Variants in NCOR1 observed in about 807,000 individuals in gnomAD.
NCOR1 encodes the protein nuclear receptor corepressor 1, also known as protein phosphatase 1, regulatory subunit 109.
In NCOR1, 63 loss-of-function variants were observed where a neutral mutation model predicts 288.1. The observed-to-expected ratio is 0.22, with a 90% confidence interval of 0.18 to 0.27. The LOEUF (loss-of-function observed/expected upper bound fraction) is 0.27, where lower values mean the gene tolerates loss of function less well. Ranked by LOEUF, NCOR1 falls within the 10% of genes least tolerant of loss-of-function variation. NCOR1 has a pLI of 1.00. For missense variants in NCOR1, 2,397 were observed against 3,019.2 expected (o/e 0.79, Z 4.83); for synonymous variants, 1,007 against 1,065.9 (o/e 0.94, Z 1.08).
Position 16,151,932 on chromosome 17 carries a change from T to A in NCOR1, c.842+14A>T, listed in dbSNP as rs1028321622. 2.5e-6 allele frequency: 4 copies of A among 1,581,070 alleles called. No homozygotes were observed. Among genetic ancestry groups the A allele is most frequent in the Non-Finnish European group, 3.5e-6 (4 of 1,157,922 alleles). ...GTCTTTAATTGAAGAACTCCAAAGA[T>A]GATCAATACTTACGTCTTGATGTTC... On this transcript the variant is annotated intron_variant, in intron 8 of 45. Transcript: ENST00000268712.
chr17:16,071,441 T>G lies in NCOR1; in HGVS notation c.4120A>C (p.Thr1374Pro), dbSNP rs777840206. ...ATGGAACCCTCAATTATCGGCCGTG[T>G]GCTCTGGACCACTTCTGGAGTTTTC... ...SRKTPEVVQS[T>P]RPIIEGSISQ... The change falls in exon 30 of 46, where the codon ACA becomes CCA. Residue 1374 changes from threonine to proline, a missense_variant. Physicochemically the swap from Thr to Pro is conservative, Grantham distance 38 (BLOSUM62 -1). Transcript: ENST00000268712. 4 of 1,614,036 alleles carry G rather than the reference T, an allele frequency of 2.5e-6. No individual in the cohort carries two copies. In the South Asian group the frequency reaches 3.3e-5, roughly 13 times the overall value.
At chr17:16,037,370 T>C (rs1028526902) in intron 44 of NCOR1, among the ~76,000 whole-genome samples, 3 of 152,060 alleles carry the variant, frequency 2.0e-5, no homozygotes, top group Non-Finnish European at 2.9e-5. Context: ...AAAATAATGC[T>C]GATAGACTTG....
intron 20 of NCOR1, chr17:16,098,806 GAAAGA>G (rs1275824686): frequency 5.7e-6 from 1 of 174,714 alleles, no homozygotes; most frequent in Non-Finnish European, 1.2e-5. Flanking sequence ...TTTTATATTA[GAAAGA>G]AAAGAAAAAA....
At chr17:16,213,855 TAGTTCA>T (rs1445473699) in intron 1 of NCOR1, among the ~76,000 whole-genome samples, 1 of 151,864 alleles carries the variant, frequency 6.6e-6, no homozygotes, top group Non-Finnish European at 1.5e-5. Flanking sequence ...TCCGGGGGAG[TAGTTCA>T]ACATATGGCA....
chr17:16,197,893 CCTT>C (rs1465939384), intron 1 of NCOR1, among the ~76,000 whole-genome samples: 1 of 151,990 alleles, frequency 6.6e-6, no homozygotes, highest in African/African-American at 2.4e-5. Flanking sequence ...ATCTCCTCGC[CCTT>C]CTTCTCCAGC....
At position 16,032,268 on chromosome 17, in the gene NCOR1, G is replaced by A. The variant is rs2151752028; in HGVS notation, c.*28C>T. On this transcript the variant is annotated 3_prime_UTR_variant, in exon 46 of 46. Transcript: ENST00000268712. ...CACAAAAACTAGAGATCCCTCTCCT[G>A]CACCCTGTTCCCCTCACTTTGTGCA... The A allele has an allele frequency of 1.3e-6, 2 of 1,574,678 alleles. No individual in the cohort carries two copies. Among genetic ancestry groups the A allele is most frequent in the African/African-American group, 1.4e-5 (1 of 72,930 alleles).
At chr17:16,096,204 A>G (rs1009064488) in intron 21 of NCOR1, among the ~76,000 whole-genome samples, 1 of 152,160 alleles carries the variant, frequency 6.6e-6, no homozygotes, top group Non-Finnish European at 1.5e-5. Flanking sequence ...GGAAAACCAG[A>G]GACCTTTGTT....
intron 44 of NCOR1, among the ~76,000 whole-genome samples, chr17:16,039,016 G>A (rs1340836380): frequency 3.9e-5 from 6 of 152,108 alleles, no homozygotes; most frequent in East Asian, 1.9e-4. Flanking sequence ...TGATCCGCCC[G>A]CCTCCGCCCC....
chr17:16,141,002 A>C (rs1000188297), intron 11 of NCOR1, among the ~76,000 whole-genome samples: 5 of 151,920 alleles, frequency 3.3e-5, no homozygotes, highest in African/African-American at 1.2e-4. Flanking sequence ...TATCTCAAAA[A>C]AAAAAAAAAG....
At chr17:16,143,197 C>T (rs2077392945) in intron 11 of NCOR1, among the ~76,000 whole-genome samples, 1 of 152,194 alleles carries the variant, frequency 6.6e-6, no homozygotes, top group African/African-American at 2.4e-5. Flanking sequence ...TAGGAAACGG[C>T]ACCACCAGCT....
intron 22 of NCOR1, among the ~76,000 whole-genome samples, chr17:16,088,386 A>G (rs919349453): frequency 6.6e-5 from 10 of 152,188 alleles, no homozygotes; most frequent in Non-Finnish European, 1.5e-4. Flanking sequence ...ATATGAGTTT[A>G]TATAAATAAA....
chr17:16,068,839 A>T (rs779079400), intron 31 of NCOR1, among the ~76,000 whole-genome samples: 15 of 150,810 alleles, frequency 9.9e-5, no homozygotes, highest in Non-Finnish European at 1.9e-4. Flanking sequence ...TCAGCCTCCC[A>T]AGTAGCTGGG....
At chr17:16,124,755 C>G (rs1229973526) in intron 15 of NCOR1, among the ~76,000 whole-genome samples, 3 of 152,048 alleles carry the variant, frequency 2.0e-5, no homozygotes, top group African/African-American at 7.3e-5. Context: ...ACAAACAAAC[C>G]CAAAACTCCA....
chr17:16,178,082 A>T (rs2084602547), intron 3 of NCOR1, among the ~76,000 whole-genome samples: 2 of 152,056 alleles, frequency 1.3e-5, no homozygotes, highest in Non-Finnish European at 1.5e-5. Context: ...GGAGGCAGGC[A>T]TCTGTAATCC....
At chr17:16,047,831 C>T (rs1226637598) in intron 41 of NCOR1, among the ~76,000 whole-genome samples, 5 of 152,112 alleles carry the variant, frequency 3.3e-5, no homozygotes, top group African/African-American at 1.2e-4. Context: ...CACAAGAACA[C>T]GTACTCTATG....
At chr17:16,035,982 A>G (rs1210057169) in intron 44 of NCOR1, among the ~76,000 whole-genome samples, 1 of 152,232 alleles carries the variant, frequency 6.6e-6, no homozygotes, top group African/African-American at 2.4e-5. Flanking sequence ...CATGAATTAC[A>G]AATGTCGTTA....
intron 3 of NCOR1, among the ~76,000 whole-genome samples, chr17:16,184,174 A>G (rs1237144609): frequency 6.6e-6 from 1 of 152,220 alleles, no homozygotes; most frequent in Non-Finnish European, 1.5e-5. Flanking sequence ...GACCTTGGCA[A>G]TGATTTTTTG....
chr17:16,162,607 TG>T (rs754086527), intron 5 of NCOR1, among the ~76,000 whole-genome samples: 1 of 152,036 alleles, frequency 6.6e-6, no homozygotes, highest in Non-Finnish European at 1.5e-5. Context: ...GTCTTAAAAA[TG>T]GAAGCAAGAA....
At chr17:16,208,564 C>T (rs1269725243) in intron 1 of NCOR1, among the ~76,000 whole-genome samples, 1 of 151,410 alleles carries the variant, frequency 6.6e-6, no homozygotes, top group Admixed American at 6.6e-5. Context: ...TAAAGAAATG[C>T]TTTTAACTGG....
Sources: gnomAD v4.1 joint callset for allele counts (sites outside exome capture counted in the v4.1 genomes callset) on GRCh38, gnomAD v4.1.1 for gene constraint, MANE v1.5 for transcripts, NCBI Gene and HGNC (gene_info 2026-07-23, HGNC 2026-07-21) for gene names.